GBP1: variants seen among roughly 807,000 people sequenced by gnomAD.
GBP1 encodes the protein guanylate binding protein 1.
In GBP1, 64 loss-of-function variants were observed where a neutral mutation model predicts 69.5. That is an observed-to-expected ratio of 0.92 (90% CI 0.75 to 1.13). The LOEUF (loss-of-function observed/expected upper bound fraction) is 1.13, where lower values mean the gene tolerates loss of function less well. Ranked by LOEUF, GBP1 falls within the 50% of genes most tolerant of loss-of-function variation. The pLI is 0.00. For missense variants in GBP1, 630 were observed against 704.1 expected (o/e 0.89, Z 1.19); for synonymous variants, 250 against 261.2 (o/e 0.96, Z 0.41).
chr1:89,063,826 T>C (rs977993007), intron 1 of GBP1, among the ~76,000 whole-genome samples: 4 of 152,218 alleles, frequency 2.6e-5, no homozygotes, highest in Non-Finnish European at 5.9e-5. Flanking sequence ...AACATACTTT[T>C]GCAAATTTTA....
intron 2 of GBP1, 78 bp downstream of exon 2, chr1:89,062,967 T>G (rs533622902): frequency 6.5e-7 from 1 of 1,548,762 alleles, no homozygotes; most frequent in African/African-American, 1.4e-5. Flanking sequence ...TCTCTTTCTC[T>G]CCTCACATCT....
chr1:89,055,754 C>T (rs1680026786), intron 8 of GBP1: 4 of 531,700 alleles, frequency 7.5e-6, no homozygotes, highest in Non-Finnish European at 1.3e-5. Context: ...ACAGGAAAAG[C>T]CCAGCTGTAA....
intron 8 of GBP1, 105 bp from the exon 9 acceptor site, chr1:89,055,320 G>A: frequency 1.3e-6 from 2 of 1,551,424 alleles, no homozygotes; most frequent in Non-Finnish European, 1.7e-6. Flanking sequence ...CTTTCTCTTG[G>A]CCCTATTGTC....
Position 89,058,912 on chromosome 1 carries a change from A to G in GBP1, c.560T>C (p.Leu187Pro), listed in dbSNP as rs140621329. 3.6e-4 allele frequency: 582 copies of G among 1,614,214 alleles called. 5 individuals are homozygous for G. The East Asian group carries it at 0.012, about 35-fold the overall frequency. Residue 187 changes from leucine (L) to proline (P), a missense_variant, in exon 5 of 11, where the codon CTG (leucine) becomes CCG (proline). Leu to Pro is a moderately conservative substitution (Grantham distance 98). Transcript: ENST00000370473. ...GGGTTGTCCATCTGCTTCCAAGTCC[A>G]GGGAGAAATCTCTCAGTGTCCACAC... The part of the protein sequence containing the change: ...DFVWTLRDFS[L>P]DLEADGQPLT...
intron 7 of GBP1, among the ~76,000 whole-genome samples, chr1:89,056,525 G>A (rs1680050109): frequency 6.6e-6 from 1 of 152,206 alleles, no homozygotes; most frequent in African/African-American, 2.4e-5. Context: ...ACGGAAGCCT[G>A]CTCAAGATAA....
Position 89,059,428 on chromosome 1 carries a change from T to G in GBP1, c.319-2A>C, listed in dbSNP as rs1680128794. ...CCAGGAGTCATTCTGGTTGTCACCC[T>G]GGAAGTCAAGACACACTGGAGTCAG... On this transcript the variant is annotated splice_acceptor_variant, in intron 3 of 10. Transcript: ENST00000370473. LOFTEE classifies it high-confidence loss of function. 2 of 1,613,850 alleles carry G rather than the reference T, an allele frequency of 1.2e-6. No homozygotes were observed. Among genetic ancestry groups the G allele is most frequent in the South Asian group, 2.2e-5 (2 of 91,078 alleles).
At position 89,057,057 on chromosome 1, in the gene GBP1, C is replaced by T. The variant is rs769875691; in HGVS notation, c.952G>A (p.Ala318Thr). Residue 318 changes from alanine to threonine, a missense_variant, in exon 7 of 11, where the codon GCC (alanine) becomes ACC (threonine). Physicochemically the swap from Ala to Thr is moderately conservative, Grantham distance 58. This residue lies in a region of GBP1 where 367 missense variants were observed against 369.5 expected (regional missense o/e 0.99). Transcript: ENST00000370473. The stretch of plus-strand genomic sequence containing the variant: ...GCTGAGTTCTCTATCTGGGCCAAGG[C>T]CAGGACTGCGTTCTCCATGCACGGC... Reference protein sequence around the residue: ...DLPCMENAVLALAQIENSAAV... With the variant: ...DLPCMENAVLTLAQIENSAAV... The T allele has an allele frequency of 3.7e-6, 6 of 1,614,108 alleles. No homozygotes were observed. The highest frequency in any genetic ancestry group is 4.2e-6 in the Non-Finnish European group (5 of 1,180,046).
intron 2 of GBP1, 164 bp downstream of exon 2, chr1:89,062,881 T>G: frequency 1.3e-6 from 1 of 786,300 alleles, no homozygotes; most frequent in South Asian, 2.0e-5. Context: ...AATGAATTGA[T>G]TCTTATCCCC....
rs1680008849 is a variant in GBP1, at chr1:89,055,009, C to T, written c.1471+104G>A. On this transcript the variant is annotated intron_variant, in intron 9 of 10. Transcript: ENST00000370473. ...GATGACCTCGGCAAGTAAGACACAC[C>T]TTTGTGGATCTTGCTCTAGTTAAAG... 1.4e-5 allele frequency: 19 copies of T among 1,377,544 alleles called. No individual in the cohort carries two copies. The East Asian group carries it at 4.3e-4, about 31-fold the overall frequency. 85.3% of individuals were successfully genotyped at this position (1,377,544 alleles called of 1,614,324 possible).
chr1:89,059,930 G>A (rs568290356), intron 3 of GBP1, among the ~76,000 whole-genome samples: 64 of 152,208 alleles, frequency 4.2e-4, no homozygotes, highest in Non-Finnish European at 8.1e-4. Flanking sequence ...ATGCTGAGGC[G>A]AAAATAAGTC....
At chr1:89,064,240 TGAGAGAGAGA>T (rs34743787) in intron 1 of GBP1, among the ~76,000 whole-genome samples, 92 of 100,038 alleles carry the variant, frequency 9.2e-4, no homozygotes, top group African/African-American at 1.7e-3. Context: ...TGTGTGTGTG[TGAGAGAGAGA>T]GAGAGAGAGA....
chr1:89,059,247 T>C, intron 4 of GBP1, 70 bp downstream of exon 4: 1 of 1,613,916 alleles, frequency 6.2e-7, no homozygotes, highest in Non-Finnish European at 8.5e-7. Flanking sequence ...GGATTCACAG[T>C]CAGGCAGCTG....
At position 89,056,844 on chromosome 1, in the gene GBP1, C is replaced by T. The variant is rs747862402; in HGVS notation, c.1155+10G>A. 4 of 1,612,694 alleles carry T rather than the reference C, an allele frequency of 2.5e-6. No homozygotes were observed. Among genetic ancestry groups the T allele is most frequent in the Admixed American group, 1.7e-5 (1 of 59,914 alleles). ...GACCCTAAACCGTATACATTTGAGA[C>T]AAAAATTACCGCTAACTCCTTTTGA... On this transcript the variant is annotated intron_variant, in intron 7 of 10. Transcript: ENST00000370473.
intron 5 of GBP1, 85 bp from the exon 6 acceptor site, chr1:89,058,319 A>G: frequency 8.5e-7 from 1 of 1,178,130 alleles, no homozygotes; most frequent in South Asian, 1.6e-5. Flanking sequence ...TAGGCTCTTC[A>G]GGCTGGATGG....
Position 89,060,248 on chromosome 1 carries a change from T to C in GBP1, c.267A>G (p.Pro89=), listed in dbSNP as rs1297988628. 2 of 1,602,162 alleles carry C rather than the reference T, an allele frequency of 1.2e-6. No individual in the cohort carries two copies. Among genetic ancestry groups the C allele is most frequent in the East Asian group, 2.3e-5 (1 of 43,728 alleles). The change falls in exon 3 of 11, where the codon CCA becomes CCG. Residue 89 remains proline, a synonymous_variant. Coordinates refer to ENST00000370473, the MANE Select transcript of GBP1 (RefSeq NM_002053.3). ...TGTCCAGCAGAACTAGGATGTGGCC[T>C]GGCTTCTTGGGGTGGGGCACACACC... ...WMWCVPHPKK[P]GHILVLLDTE...
rs545273025 is a variant in GBP1, at chr1:89,057,031, A to G, written c.978T>C (p.Ala326=). 2.2e-5 allele frequency: 35 copies of G among 1,614,136 alleles called. No homozygotes were observed. Among genetic ancestry groups the G allele is most frequent in the East Asian group, 6.7e-5 (3 of 44,906 alleles). The change falls in exon 7 of 11, where the codon GCT becomes GCC. Residue 326 remains alanine, a synonymous_variant. Coordinates refer to ENST00000370473, the MANE Select transcript of GBP1 (RefSeq NM_002053.3). ...AGTGGGCAATAGCCTTTTGCACTGC[A>G]GCTGAGTTCTCTATCTGGGCCAAGG... is the stretch of plus-strand genomic sequence containing the variant. The part of the protein sequence containing the change: ...VLALAQIENS[A]AVQKAIAHYE...
rs1048485 is a variant in GBP1 at position 89,054,810 on chromosome 1, T to C, written c.1537A>G (p.Asn513Asp). The C allele has an allele frequency of 1.2e-6, 2 of 1,614,128 alleles. No individual in the cohort carries two copies. The highest frequency in any genetic ancestry group is 1.7e-5 in the Admixed American group (1 of 60,012). ...TCCTTCTGTTCCATCATCTGCTCATTCTTTCTTTGCATTTCCTGCAACATT... is the reference window on the plus strand; with the variant it reads ...TCCTTCTGTTCCATCATCTGCTCATCCTTTCTTTGCATTTCCTGCAACATT... ...AKMLQEMQRK[N>D]EQMMEQKERS... Residue 513 changes from asparagine (N) to aspartate (D), a missense_variant, in exon 10 of 11, where the codon AAT (asparagine) becomes GAT (aspartate). By Grantham distance (23) the Asn-to-Asp change is conservative (BLOSUM62 1). Around this residue, in one of 5 missense-constraint regions of GBP1, gnomAD observed 35 missense variants for 68.6 expected, o/e 0.51. Transcript: ENST00000370473.
At position 89,056,192 on chromosome 1, in the gene GBP1, G is replaced by A; in HGVS notation, c.1192C>T (p.Gln398Ter). 1 of 1,613,924 alleles carries A rather than the reference G, an allele frequency of 6.2e-7. No individual in the cohort carries two copies. Among genetic ancestry groups the A allele is most frequent in the South Asian group, 1.1e-5 (1 of 91,070 alleles). The change falls in exon 8 of 11, where the codon CAG becomes TAG. Residue 398 changes from glutamine (Q) to a stop codon, truncating the protein, a stop_gained. Coordinates refer to ENST00000370473, the MANE Select transcript of GBP1 (RefSeq NM_002053.3). LOFTEE classifies it high-confidence loss of function. Reference sequence around the variant, plus strand: ...CGATCTGATGATGCTTCCTGATTCTGTTTACAAAAGTCATCCCGCTTTTTT... The same window carrying A: ...CGATCTGATGATGCTTCCTGATTCTATTTACAAAAGTCATCCCGCTTTTTT... The part of the protein sequence containing the change: ...LEKKRDDFCK[Q>*]NQEASSDRCS...
At position 89,059,022 on chromosome 1, in the gene GBP1, A is replaced by G. The variant is rs1410172157; in HGVS notation, c.450T>C (p.His150=). 2.5e-6 allele frequency: 4 copies of G among 1,614,144 alleles called. No individual in the cohort carries two copies. The highest frequency in any genetic ancestry group is 2.2e-5 in the South Asian group (2 of 91,080). ...DQLYYVTELT[H]RIRSKSSPDE... is the part of the protein sequence containing the mutation. ...CAGGTGAGGATTTTGATCGGATTCT[A>G]TGTGTCAGCTCTGTCACATAGCTGA... The change falls in exon 5 of 11, where the codon CAT becomes CAC. Residue 150 remains histidine (H), a synonymous_variant. Coordinates refer to ENST00000370473, the MANE Select transcript of GBP1 (RefSeq NM_002053.3).
Sources: gnomAD v4.1 joint callset for allele counts (sites outside exome capture counted in the v4.1 genomes callset) on GRCh38, gnomAD v4.1.1 for gene constraint, gnomAD v4.1.1 regional missense constraint, MANE v1.5 for transcripts, NCBI Gene and HGNC (gene_info 2026-07-23, HGNC 2026-07-21) for gene names.